Variants in EPM2A observed in about 807,000 individuals in gnomAD.
The protein encoded by EPM2A is EPM2A glucan phosphatase, laforin, also known as laforin.
EPM2A carries 21 observed loss-of-function variants against 26.5 expected under a neutral mutation model. That is an observed-to-expected ratio of 0.79 (90% CI 0.56 to 1.14). The LOEUF is 1.14. Among genes scored for constraint, EPM2A ranks in the 50% most tolerant of loss-of-function variants. EPM2A has a pLI of 0.00. For missense variants in EPM2A, 458 were observed against 440.8 expected (o/e 1.04, Z -0.35); for synonymous variants, 217 against 177.6 (o/e 1.22, Z -1.76).
At chr6:145,591,931 T>A (rs550657072) in intron 2 of EPM2A, among the ~76,000 whole-genome samples, 1 of 152,186 alleles carries the variant, frequency 6.6e-6, no homozygotes, top group Non-Finnish European at 1.5e-5. Context: ...TATTCTGTTA[T>A]AAAATACCTA....
At chr6:145,567,323 A>AGGAAG (rs1780897280) in intron 2 of EPM2A, among the ~76,000 whole-genome samples, 1 of 152,172 alleles carries the variant, frequency 6.6e-6, no homozygotes, top group Non-Finnish European at 1.5e-5. Context: ...TATTTTTTAT[A>AGGAAG]CTGTCTTAGC....
At chr6:145,556,093 A>G (rs554686356) in intron 2 of EPM2A, among the ~76,000 whole-genome samples, 17 of 152,192 alleles carry the variant, frequency 1.1e-4, no homozygotes, top group Non-Finnish European at 1.6e-4. Flanking sequence ...ACTCTATTAA[A>G]TGAAAATAAA....
At chr6:145,533,732 C>T (rs1436542332) in intron 2 of EPM2A, among the ~76,000 whole-genome samples, 1 of 152,110 alleles carries the variant, frequency 6.6e-6, no homozygotes, top group Non-Finnish European at 1.5e-5. Context: ...TCCAATCATC[C>T]TTCCCAGTAG....
At chr6:145,733,010 T>A (rs1375863696) in intron 1 of EPM2A, among the ~76,000 whole-genome samples, 2 of 152,210 alleles carry the variant, frequency 1.3e-5, no homozygotes, top group Admixed American at 1.3e-4. Context: ...AACACTTGGC[T>A]ACCCTGCTTC....
chr6:145,519,510 C>G (rs1413586708), intron 2 of EPM2A, among the ~76,000 whole-genome samples: 1 of 151,986 alleles, frequency 6.6e-6, no homozygotes, highest in African/African-American at 2.4e-5. Context: ...CAGTAAAAAT[C>G]ACTGAATCAC....
intron 2 of EPM2A, among the ~76,000 whole-genome samples, chr6:145,657,972 C>T (rs549102746): frequency 2.6e-5 from 4 of 152,282 alleles, no homozygotes; most frequent in African/African-American, 9.6e-5. Context: ...AGACTGTTTG[C>T]TTGCTCAAGT....
chr6:145,495,262 G>T (rs983424056), intron 4 of EPM2A, among the ~76,000 whole-genome samples: 1 of 149,914 alleles, frequency 6.7e-6, no homozygotes, highest in African/African-American at 2.4e-5. Context: ...TATAATCTTT[G>T]TTGATTTAGA....
chr6:145,463,814 T>A (rs1779354655), intron 4 of EPM2A, among the ~76,000 whole-genome samples: 1 of 152,132 alleles, frequency 6.6e-6, no homozygotes, highest in Admixed American at 6.6e-5. Flanking sequence ...AAATTTTTGT[T>A]AGATTCTGAA....
chr6:145,696,838 A>C (rs1781617378), intron 1 of EPM2A, among the ~76,000 whole-genome samples: 1 of 148,684 alleles, frequency 6.7e-6, no homozygotes, highest in African/African-American at 2.5e-5. Context: ...GTGTGTTTCA[A>C]GGTAGAAAAC....
intron 2 of EPM2A, among the ~76,000 whole-genome samples, chr6:145,618,857 C>T (rs771130380): frequency 1.3e-5 from 2 of 152,034 alleles, no homozygotes. Flanking sequence ...AAGAAAGAGA[C>T]AGTAGTATAT....
intron 2 of EPM2A, among the ~76,000 whole-genome samples, chr6:145,515,146 G>T (rs2114767129): frequency 6.6e-6 from 1 of 152,320 alleles, no homozygotes; most frequent in Non-Finnish European, 1.5e-5. Flanking sequence ...TATGGGTATT[G>T]TTGGTAGAAG....
At chr6:145,724,729 A>G (rs1038557935) in intron 1 of EPM2A, among the ~76,000 whole-genome samples, 2 of 152,106 alleles carry the variant, frequency 1.3e-5, no homozygotes, top group African/African-American at 4.8e-5. Context: ...TTTCTAATAA[A>G]GACAATTTAA....
chr6:145,544,700 G>C (rs1042638466), intron 2 of EPM2A, among the ~76,000 whole-genome samples: 1 of 152,136 alleles, frequency 6.6e-6, no homozygotes, highest in South Asian at 2.1e-4. Flanking sequence ...CAGGATGTAG[G>C]ATGATGAATC....
At chr6:145,676,686 G>C (rs538960681) in intron 2 of EPM2A, among the ~76,000 whole-genome samples, 1 of 152,188 alleles carries the variant, frequency 6.6e-6, no homozygotes, top group African/African-American at 2.4e-5. Flanking sequence ...AAGAAGAAAT[G>C]GATAAATTTC....
At chr6:145,456,798 A>G (rs986521077) in intron 4 of EPM2A, among the ~76,000 whole-genome samples, 4 of 152,332 alleles carry the variant, frequency 2.6e-5, no homozygotes, top group African/African-American at 9.6e-5. Context: ...TTATTTTTCC[A>G]CTAATTTTCA....
intron 2 of EPM2A, among the ~76,000 whole-genome samples, chr6:145,549,037 C>A (rs1379381182): frequency 6.6e-6 from 1 of 152,072 alleles, no homozygotes; most frequent in Non-Finnish European, 1.5e-5. Flanking sequence ...ATAGAGATAC[C>A]TTTATCTGTT....
intron 4 of EPM2A, among the ~76,000 whole-genome samples, chr6:145,388,890 C>T (rs1346515802): frequency 6.6e-6 from 1 of 151,574 alleles, no homozygotes; most frequent in Non-Finnish European, 1.5e-5. Flanking sequence ...AGATGTGCCA[C>T]ATTTTCTTTA....
chr6:145,636,315 AT>A (rs1776680974), intron 2 of EPM2A: 1 of 152,132 alleles, frequency 6.6e-6, no homozygotes, highest in Non-Finnish European at 1.5e-5. Flanking sequence ...AGCCTGGCCA[AT>A]TCTACTAAAA....
At chr6:145,650,206 G>A (rs1405282185) in intron 2 of EPM2A, among the ~76,000 whole-genome samples, 2 of 152,102 alleles carry the variant, frequency 1.3e-5, no homozygotes, top group African/African-American at 4.8e-5. Flanking sequence ...TTTGTATGAT[G>A]AGCACTTTCT....
Sources: allele counts gnomAD v4.1 joint callset (sites outside exome capture counted in the v4.1 genomes callset), GRCh38; gene constraint gnomAD v4.1.1; transcripts MANE v1.5; gene names NCBI Gene and HGNC (gene_info 2026-07-23, HGNC 2026-07-21).